The following KCNJ14 variants were observed in gnomAD, a reference collection of about 807,000 sequenced individuals.
KCNJ14 encodes ATP-sensitive inward rectifier potassium channel 14.
Under a neutral mutation model 24.5 loss-of-function variants are expected in KCNJ14, and 18 were observed. The ratio of observed to expected loss-of-function variants is 0.74; its 90% CI spans 0.51 to 1.09. The LOEUF (loss-of-function observed/expected upper bound fraction) is 1.09, where lower values mean the gene tolerates loss of function less well. Ranked by LOEUF, KCNJ14 falls within the 50% of genes least tolerant of loss-of-function variation. The pLI is 0.00. For missense variants in KCNJ14, 633 were observed against 623.0 expected, an observed-to-expected ratio of 1.02 and a Z score of -0.17; for synonymous variants, 288 against 270.8, an observed-to-expected ratio of 1.06 and a Z score of -0.63.
chr19:48,461,550 A>AAAAAT, intron 1 of KCNJ14, 120 bp from the exon 2 acceptor site: 1 of 349,960 alleles, frequency 2.9e-6, no homozygotes, highest in Non-Finnish European at 4.8e-6. Flanking sequence ...AAAAAAAAAA[A>AAAAAT]TGCGTATCGT....
At position 48,464,190 on chromosome 19, in the gene KCNJ14, A is replaced by T; in HGVS notation, c.724A>T (p.Thr242Ser). The change falls in exon 3 of 3, where the codon ACC (threonine) becomes TCC (serine). Residue 242 changes from threonine to serine, a missense_variant. Coordinates refer to ENST00000342291, the MANE Select transcript of KCNJ14 (RefSeq NM_013348.4). ...TCGCCTCCTGCTGCAGCCCCGTGTG[A>T]CCCCAGAGGGTGAGTACATCCCGCT... Reference protein sequence around the residue: ...VRAQLLQPRVTPEGEYIPLDH... With the variant: ...VRAQLLQPRVSPEGEYIPLDH... The T allele has an allele frequency of 6.2e-7, 1 of 1,613,246 alleles. No individual in the cohort carries two copies. Among genetic ancestry groups the T allele is most frequent in the Non-Finnish European group, 8.5e-7 (1 of 1,179,536 alleles).
rs779273608 is a variant in KCNJ14, at chr19:48,462,207, C to T, written c.483C>T (p.Ala161=). Residue 161 remains alanine (A), a synonymous_variant, in exon 2 of 3, where the codon GCC becomes GCT. Transcript: ENST00000342291. This position sits in a 1 kb window ranked among gnomAD's most constrained non-coding sequence, Gnocchi z 4.9. ...GVRSVTEECP[A]AVAAVVLQCI... is the part of the protein sequence containing the mutation. ...GCAGCGTCACCGAGGAGTGCCCGGCCGCTGTGGCCGCCGTGGTGCTGCAGT... is the reference window on the plus strand; with the variant it reads ...GCAGCGTCACCGAGGAGTGCCCGGCTGCTGTGGCCGCCGTGGTGCTGCAGT... 29 of 1,553,958 alleles carry T rather than the reference C, an allele frequency of 1.9e-5. No homozygotes were observed. The South Asian group carries it at 2.7e-4, about 15-fold the overall frequency.
At position 48,461,856 on chromosome 19, in the gene KCNJ14, C is replaced by T; in HGVS notation, c.132C>T (p.Pro44=). ...GGGCGCCGGCACCGGTGCAGTCACC[C>T]GTGGGCCGGCGCCGCGGTCGCTTCG... is the stretch of plus-strand genomic sequence containing the variant. ...NGWAPAPVQS[P]VGRRRGRFVK... is the part of the protein sequence containing the mutation. The change falls in exon 2 of 3, where the codon CCC becomes CCT. Residue 44 remains proline (P), a synonymous_variant. Transcript: ENST00000342291. The T allele has an allele frequency of 1.3e-6, 2 of 1,558,674 alleles. No homozygotes were observed. Among genetic ancestry groups the T allele is most frequent in the Non-Finnish European group, 1.7e-6 (2 of 1,151,954 alleles).
chr19:48,466,147 T>G lies in KCNJ14; in HGVS notation c.*1370T>G, dbSNP rs1971653048. The stretch of plus-strand genomic sequence containing the variant: ...CAGGCTGGAGTGCAATGGCGTGATC[T>G]CAGCTCACTGCAACCTCCGCCTCCC... On this transcript the variant is annotated 3_prime_UTR_variant, in exon 3 of 3. Coordinates refer to ENST00000342291, the MANE Select transcript of KCNJ14 (RefSeq NM_013348.4). 1 of 151,472 alleles carries G rather than the reference T, an allele frequency of 6.6e-6. No individual in the cohort carries two copies. The highest frequency in any genetic ancestry group is 1.5e-5 in the Non-Finnish European group (1 of 67,932). 9.4% of individuals were successfully genotyped at this position (151,472 alleles called of 1,614,324 possible). A position where few individuals can be genotyped will look rare whatever the true frequency, so the allele number is the denominator to read the frequency against.
At chr19:48,464,145 T>G (rs1417527069) in intron 2 of KCNJ14, 36 bp from the exon 3 acceptor site, 28 of 1,444,688 alleles carry the variant, frequency 1.9e-5, no homozygotes, top group Non-Finnish European at 2.6e-5. Context: ...GTCTCTGTGC[T>G]CCCTGCTGTC....
chr19:48,460,066 G>A (rs1170032986), intron 1 of KCNJ14, among the ~76,000 whole-genome samples: 1 of 151,934 alleles, frequency 6.6e-6, no homozygotes, highest in Non-Finnish European at 1.5e-5. Context: ...TCAATTGATG[G>A]ATTTTTTCCT....
rs758846495 is a variant in KCNJ14 at position 48,461,857 on chromosome 19, G to A, written c.133G>A (p.Val45Met). The A allele has an allele frequency of 2.4e-5, 37 of 1,560,736 alleles. No individual in the cohort carries two copies. The highest frequency in any genetic ancestry group is 2.4e-5 in the South Asian group (2 of 84,412). ...GGCGCCGGCACCGGTGCAGTCACCC[G>A]TGGGCCGGCGCCGCGGTCGCTTCGT... ...GWAPAPVQSP[V>M]GRRRGRFVKK... is the part of the protein sequence containing the mutation. Residue 45 changes from valine to methionine, a missense_variant, in exon 2 of 3, where the codon GTG becomes ATG. Transcript: ENST00000342291.
rs796083892 is a variant in KCNJ14 at position 48,458,350 on chromosome 19, GT to G, written c.-56+2500del. 1.0e-3 allele frequency among the ~76,000 whole-genome samples: 155 copies of G among 152,074 alleles called. 1 individual carries two copies. Among genetic ancestry groups the G allele is most frequent in the African/African-American group, 2.7e-3 (110 of 41,470 alleles). Reference sequence around the variant, plus strand: ...TTTCTCCACATTCTCGCCAACACTTGTTTTTTTTATTATAGCCATTCTAAGT... The same window carrying G: ...TTTCTCCACATTCTCGCCAACACTTGTTTTTTTATTATAGCCATTCTAAGT... On this transcript the variant is annotated intron_variant, in intron 1 of 2. Transcript: ENST00000342291.
chr19:48,459,955 G>T (rs907316681), intron 1 of KCNJ14, among the ~76,000 whole-genome samples: 3 of 151,338 alleles, frequency 2.0e-5, no homozygotes, highest in African/African-American at 7.3e-5. Context: ...AGGAGACAGA[G>T]ATTGCAGTGA....
rs1424605858 is a variant in KCNJ14, at chr19:48,466,075, CTTTTTCTT to C, written c.*1304_*1311del. On this transcript the variant is annotated 3_prime_UTR_variant, in exon 3 of 3. Transcript: ENST00000342291. ...TAGTGATGTGTGTCTATTTCTTTTT[CTTTTTCTT>C]TTTTTTTTTTTTTTGAGACTGAGTC... 1.3e-5 allele frequency: 2 copies of C among 150,384 alleles called. No individual in the cohort carries two copies. The highest frequency in any genetic ancestry group is 4.9e-5 in the African/African-American group (2 of 41,030). The allele number at this position is 150,384 out of a possible 1,614,324, so 9.3% of individuals were successfully genotyped here.
intron 1 of KCNJ14, chr19:48,456,073 C>T (rs1228198814): frequency 2.0e-5 from 3 of 152,234 alleles, no homozygotes; most frequent in Non-Finnish European, 4.4e-5. Flanking sequence ...AGGGACTAAC[C>T]TCAGCCCCAG....
Position 48,460,347 on chromosome 19 carries a change from G to A in KCNJ14, c.-55-1323G>A, listed in dbSNP as rs189353325. Among the ~76,000 whole-genome samples the A allele has an allele frequency of 1.5e-4, 23 of 152,150 alleles. No individual in the cohort carries two copies. In the East Asian group the frequency reaches 3.7e-3, roughly 24 times the overall value. On this transcript the variant is annotated intron_variant, in intron 1 of 2. Coordinates refer to ENST00000342291, the MANE Select transcript of KCNJ14 (RefSeq NM_013348.4). ...CAACCTCCACCTCCCAGGTTCAAGC[G>A]ATTCTCCTGCCTCAGCCTCCCTAGT...
chr19:48,461,540 A>AG (rs1396161938), intron 1 of KCNJ14, 130 bp from the exon 2 acceptor site: 1 of 390,884 alleles, frequency 2.6e-6, no homozygotes, highest in Admixed American at 4.4e-5. Context: ...AAAAAAAAAA[A>AG]AAAAAAAAAA....
intron 1 of KCNJ14, among the ~76,000 whole-genome samples, chr19:48,459,433 C>T (rs989137653): frequency 5.9e-5 from 9 of 152,036 alleles, no homozygotes; most frequent in Non-Finnish European, 8.8e-5. Flanking sequence ...CTTGCTCTGT[C>T]GCCCAGGCTA....
intron 1 of KCNJ14, chr19:48,461,128 G>A (rs1003423767): frequency 6.6e-6 from 1 of 152,112 alleles, no homozygotes; most frequent in African/African-American, 2.4e-5. Context: ...AGACCATCTT[G>A]GCCAACATGG....
rs761969141 is a variant in KCNJ14 at position 48,461,913 on chromosome 19, C to T, written c.189C>T (p.Phe63=). 8.1e-6 allele frequency: 13 copies of T among 1,607,480 alleles called. No homozygotes were observed. In the Admixed American group the frequency reaches 1.5e-4, roughly 19 times the overall value. The stretch of plus-strand genomic sequence containing the variant: ...AAGACGGGCACTGCAACGTGCGTTT[C>T]GTAAACCTGGGTGGCCAGGGCGCGC... ...VKKDGHCNVR[F]VNLGGQGARY... is the part of the protein sequence containing the mutation. The change falls in exon 2 of 3, where the codon TTC becomes TTT. Residue 63 remains phenylalanine, a synonymous_variant. Transcript: ENST00000342291.
chr19:48,464,271 G>T lies in KCNJ14; in HGVS notation c.805G>T (p.Val269Leu). ...TGGAGGCACCGATCGTATCTTCCTC[G>T]TGTCCCCCATCACCATCGTCCATGA... ...FDGGTDRIFL[V>L]SPITIVHEID... Residue 269 changes from valine to leucine, a missense_variant, in exon 3 of 3, where the codon GTG (valine) becomes TTG (leucine). Transcript: ENST00000342291. The T allele has an allele frequency of 6.2e-7, 1 of 1,613,970 alleles. No homozygotes were observed. Among genetic ancestry groups the T allele is most frequent in the Non-Finnish European group, 8.5e-7 (1 of 1,179,992 alleles).
chr19:48,462,439 G>C lies in KCNJ14; in HGVS notation c.714+1G>C. 6.8e-7 allele frequency: 1 copy of C among 1,466,792 alleles called. No individual in the cohort carries two copies. Among genetic ancestry groups the C allele is most frequent in the Non-Finnish European group, 9.0e-7 (1 of 1,106,294 alleles). 90.9% of individuals were successfully genotyped at this position (1,466,792 alleles called of 1,614,324 possible). On this transcript the variant is annotated splice_donor_variant, in intron 2 of 2. Coordinates refer to ENST00000342291, the MANE Select transcript of KCNJ14 (RefSeq NM_013348.4). LOFTEE classifies it high-confidence loss of function. The surrounding 1 kb of genome is among the most constrained non-coding windows in gnomAD (Gnocchi z 4.9). ...CCACGTGCGTGCCCAGCTGCTGCAG[G>C]TGCGCCCGGGAGGAGAGGCGGGGAC... is the stretch of plus-strand genomic sequence containing the variant.
chr19:48,458,837 G>A (rs929294324), intron 1 of KCNJ14, among the ~76,000 whole-genome samples: 8 of 150,730 alleles, frequency 5.3e-5, no homozygotes, highest in African/African-American at 1.7e-4. Flanking sequence ...TCAGGAGGCT[G>A]AGGCAAGAGA....
Sources: allele counts gnomAD v4.1 joint callset (sites outside exome capture counted in the v4.1 genomes callset), GRCh38; gene constraint gnomAD v4.1.1; non-coding constraint Gnocchi (gnomAD v3.1); transcripts MANE v1.5; gene names NCBI Gene and HGNC (gene_info 2026-07-23, HGNC 2026-07-21).